NEU3: variants seen among roughly 807,000 people sequenced by gnomAD.
NEU3 encodes the protein neuraminidase 3, also known as sialidase-3.
A neutral mutation model predicts 11.4 loss-of-function variants in NEU3; 10 were observed. The observed-to-expected ratio is 0.88, with a 90% CI of 0.54 to 1.49. NEU3 has a LOEUF of 1.49. Among genes scored for constraint, NEU3 ranks in the 40% most tolerant of loss-of-function variants. NEU3 has a pLI of 0.00. For missense variants in NEU3, 529 were observed against 581.8 expected (o/e 0.91, Z 0.93); for synonymous variants, 212 against 228.2 (o/e 0.93, Z 0.64).
At chr11:74,987,898 C>T (rs7396944), upstream of NEU3, among the ~76,000 whole-genome samples, 8,835 of 22,104 alleles carry the variant, frequency 0.4, 1,611 homozygotes, top group African/African-American at 0.58. Context: ...TTTTTTTTTT[C>T]TTTTTTTTTT....
At chr11:74,990,272 G>A (rs1948715557) in intron 1 of NEU3, 2 of 428,428 alleles carry the variant, frequency 4.7e-6, no homozygotes, top group Admixed American at 7.9e-5. Context: ...AAAACGTCAT[G>A]CAGCAAGAAA....
At position 75,009,723 on chromosome 11, in the gene NEU3, G is replaced by A. The variant is rs1383727197; in HGVS notation, c.*3231G>A. 2 of 152,260 alleles carry A rather than the reference G, an allele frequency of 1.3e-5. No homozygotes were observed. Among genetic ancestry groups the A allele is most frequent in the East Asian group, 3.8e-4 (2 of 5,200 alleles). 9.4% of individuals were successfully genotyped at this position (152,260 alleles called of 1,614,324 possible). ...CAACACTGAGAGTGCAGGAAGCATG[G>A]GTAGGGGCCTCCTGCTGCTGGTATG... On this transcript the variant is annotated 3_prime_UTR_variant, in exon 3 of 3. Coordinates refer to ENST00000294064, the MANE Select transcript of NEU3 (RefSeq NM_006656.6).
At chr11:74,993,239 C>T (rs1334420840) in intron 1 of NEU3, among the ~76,000 whole-genome samples, 3 of 151,990 alleles carry the variant, frequency 2.0e-5, no homozygotes, top group Non-Finnish European at 2.9e-5. Context: ...AGTCTTGCTC[C>T]GTCTCCCAGG....
downstream of NEU3, among the ~76,000 whole-genome samples, chr11:75,011,803 T>C (rs1948957119): frequency 6.6e-6 from 1 of 152,208 alleles, no homozygotes; most frequent in South Asian, 2.1e-4. Flanking sequence ...AGTCACTACC[T>C]GGAACTGAAA....
intron 2 of NEU3, among the ~76,000 whole-genome samples, chr11:74,996,592 TGTCTCTTAATGTTAATATTATGACC>T (rs1486976445): frequency 1.3e-5 from 2 of 152,248 alleles, no homozygotes; most frequent in African/African-American, 4.8e-5. Flanking sequence ...AACTTCTCAA[TGTCTCTTAATGTTAATATTATGACC>T]TCCCATGAAT....
downstream of NEU3, among the ~76,000 whole-genome samples, chr11:75,015,098 A>T (rs1372378953): frequency 6.6e-6 from 1 of 152,152 alleles, no homozygotes; most frequent in Non-Finnish European, 1.5e-5. Context: ...TCATATGTTG[A>T]AACCTAACAC....
In NEU3 at chr11:74,989,087, C is replaced by G. The variant is rs780578598; in HGVS notation, c.27C>G (p.Arg9=). The G allele has an allele frequency of 6.4e-7, 1 of 1,550,910 alleles. No homozygotes were observed. Among genetic ancestry groups the G allele is most frequent in the African/African-American group, 1.4e-5 (1 of 73,126 alleles). ...TGAGACCTGCGGACCTGCCCCCGCGCCCCATGGAAGAATCCCCGGCGTCCA... is the reference window on the plus strand; with the variant it reads ...TGAGACCTGCGGACCTGCCCCCGCGGCCCATGGAAGAATCCCCGGCGTCCA... MRPADLPP[R]PMEESPASSS... is the part of the protein sequence containing the mutation. The change falls in exon 1 of 3, where the codon CGC becomes CGG. Residue 9 remains arginine (R), a synonymous_variant. Coordinates refer to ENST00000294064, the MANE Select transcript of NEU3 (RefSeq NM_006656.6).
rs1380142552 is a variant in NEU3 at position 74,989,086 on chromosome 11, G to A, written c.26G>A (p.Arg9His). MRPADLPPRPMEESPASSS... is the reference protein window; with the variant it reads MRPADLPPHPMEESPASSS... ...ATGAGACCTGCGGACCTGCCCCCGC[G>A]CCCCATGGAAGAATCCCCGGCGTCC... The change falls in exon 1 of 3, where the codon CGC becomes CAC. Residue 9 changes from arginine to histidine, a missense_variant. Physicochemically the swap from Arg to His is conservative, Grantham distance 29. Transcript: ENST00000294064. 5.2e-6 allele frequency: 8 copies of A among 1,550,736 alleles called. No homozygotes were observed. The highest frequency in any genetic ancestry group is 3.9e-5 in the Admixed American group (2 of 50,970).
At chr11:74,983,081 A>G in the NEU3 span, among the ~76,000 whole-genome samples, 1 of 152,168 alleles carries the variant, frequency 6.6e-6, no homozygotes, top group African/African-American at 2.4e-5. Context: ...AGTTGTGGTA[A>G]TGAAAATTGG....
Position 75,006,648 on chromosome 11 carries a change from A to G in NEU3, c.*156A>G. On this transcript the variant is annotated 3_prime_UTR_variant, in exon 3 of 3. Transcript: ENST00000294064. ...AAGAGCAAAATGAAAATTTTGCCTT[A>G]GCTACTGCAGTGGAAAGAGCACTGA... 2 of 827,026 alleles carry G rather than the reference A, an allele frequency of 2.4e-6. No individual in the cohort carries two copies. The highest frequency in any genetic ancestry group is 3.6e-6 in the Non-Finnish European group (2 of 548,872). The allele number at this position is 827,026 out of a possible 1,614,324, so 51.2% of individuals were successfully genotyped here. A position where few individuals can be genotyped will look rare whatever the true frequency, so the allele number is the denominator to read the frequency against.
At chr11:74,985,298 A>C (rs553127447), upstream of NEU3, among the ~76,000 whole-genome samples, 1 of 152,198 alleles carries the variant, frequency 6.6e-6, no homozygotes, top group Non-Finnish European at 1.5e-5. Flanking sequence ...TTACCAATAC[A>C]GTTGAAGTCC....
downstream of NEU3, among the ~76,000 whole-genome samples, chr11:75,012,862 C>G (rs1187647805): frequency 1.3e-5 from 2 of 152,174 alleles, no homozygotes; most frequent in Non-Finnish European, 2.9e-5. Flanking sequence ...GAAGGAAGAG[C>G]TGTGCAACAG....
chr11:74,988,261 C>T (rs1267715024), upstream of NEU3: 1 of 152,264 alleles, frequency 6.6e-6, no homozygotes, highest in Non-Finnish European at 1.5e-5. Context: ...CCTCCAACTC[C>T]TGGGCTCAAG....
Position 74,989,030 on chromosome 11 carries a change from T to C in NEU3, c.-31T>C, listed in dbSNP as rs929259271. ...TCCTCTGTCTCAGTCTCCCCAGCCT[T>C]GGGGCCGGTGCCTCTTCCGGGCTTC... On this transcript the variant is annotated 5_prime_UTR_variant, in exon 1 of 3. Transcript: ENST00000294064. The C allele has an allele frequency of 3.9e-6, 6 of 1,520,454 alleles. No homozygotes were observed. The highest frequency in any genetic ancestry group is 2.1e-4 in the Middle Eastern group (1 of 4,804). The allele number at this position is 1,520,454 out of a possible 1,614,324, so 94.2% of individuals were successfully genotyped here.
downstream of NEU3, among the ~76,000 whole-genome samples, chr11:75,020,392 T>C (rs538469202): frequency 1.3e-5 from 2 of 152,140 alleles, no homozygotes; most frequent in Non-Finnish European, 2.9e-5. Context: ...ATTTGGCTGT[T>C]CCACCACCCA....
chr11:74,993,467 G>A (rs945745591), intron 1 of NEU3, among the ~76,000 whole-genome samples: 10 of 152,156 alleles, frequency 6.6e-5, no homozygotes, highest in Non-Finnish European at 8.8e-5. Flanking sequence ...GCCTCCCAAA[G>A]TGCTGGGATT....
Position 75,009,950 on chromosome 11 carries a change from A to G in NEU3, c.*3458A>G, listed in dbSNP as rs1948940226. ...GCCTGTTGGGTAGCCCAGAGGACCC[A>G]CAAAGGTCAACCTGAGTCTCCACAG... is the stretch of plus-strand genomic sequence containing the variant. On this transcript the variant is annotated 3_prime_UTR_variant, in exon 3 of 3. Transcript: ENST00000294064. 6.6e-6 allele frequency: 1 copy of G among 152,268 alleles called. No homozygotes were observed. Among genetic ancestry groups the G allele is most frequent in the Non-Finnish European group, 1.5e-5 (1 of 68,066 alleles). 9.4% of individuals were successfully genotyped at this position (152,268 alleles called of 1,614,324 possible).
intron 3 of NEU3, among the ~76,000 whole-genome samples, chr11:75,016,655 T>C (rs1948982675): frequency 1.3e-5 from 2 of 152,180 alleles, no homozygotes; most frequent in South Asian, 2.1e-4. Context: ...TCCTTCAAAA[T>C]TGGAAACTCA....
rs1027696883 is a variant in NEU3 at position 75,006,657 on chromosome 11, A to G, written c.*165A>G. ...ATGAAAATTTTGCCTTAGCTACTGC[A>G]GTGGAAAGAGCACTGAACTAGGAGT... On this transcript the variant is annotated 3_prime_UTR_variant, in exon 3 of 3. Coordinates refer to ENST00000294064, the MANE Select transcript of NEU3 (RefSeq NM_006656.6). The G allele has an allele frequency of 5.3e-5, 39 of 738,090 alleles. No individual in the cohort carries two copies. The highest frequency in any genetic ancestry group is 8.1e-5 in the Non-Finnish European group (38 of 469,228). 45.7% of individuals were successfully genotyped at this position (738,090 alleles called of 1,614,324 possible).
Sources: allele counts gnomAD v4.1 joint callset (sites outside exome capture counted in the v4.1 genomes callset), GRCh38; gene constraint gnomAD v4.1.1; transcripts MANE v1.5; gene names NCBI Gene and HGNC (gene_info 2026-07-23, HGNC 2026-07-21).